The following NRCAM variants were observed in gnomAD, a reference collection of about 807,000 sequenced individuals.
NRCAM encodes the protein neuronal cell adhesion molecule.
A neutral mutation model predicts 156.5 loss-of-function variants in NRCAM; 83 were observed. That is an observed-to-expected ratio of 0.53 (90% CI 0.44 to 0.64). The LOEUF is 0.64. NRCAM is among the 30% of genes least tolerant of loss of function. The pLI, the probability that NRCAM is intolerant of heterozygous loss-of-function variation, is 0.00. For missense variants in NRCAM, 1,417 were observed against 1,597.3 expected, an observed-to-expected ratio of 0.89 and a Z score of 1.92; for synonymous variants, 538 against 563.9, an observed-to-expected ratio of 0.95 and a Z score of 0.65.
chr7:108,192,221 G>C (rs768741166), intron 17 of NRCAM, among the ~76,000 whole-genome samples: 2 of 151,898 alleles, frequency 1.3e-5, no homozygotes, highest in African/African-American at 4.8e-5. Flanking sequence ...GGAATGGGGC[G>C]AGTGAAGCTG....
intron 17 of NRCAM, 63 bp downstream of exon 17, chr7:108,193,961 C>T (rs1341810695): frequency 3.3e-6 from 5 of 1,527,126 alleles, no homozygotes; most frequent in Middle Eastern, 3.4e-4. Context: ...CATAGTAGAC[C>T]TTTAGTTCAA....
At chr7:108,152,143 G>T (rs1201264589) in intron 32 of NRCAM, among the ~76,000 whole-genome samples, 1 of 152,158 alleles carries the variant, frequency 6.6e-6, no homozygotes, top group Non-Finnish European at 1.5e-5. Context: ...TATATATTAT[G>T]TCAGAAGAGG....
intron 1 of NRCAM, among the ~76,000 whole-genome samples, chr7:108,425,793 T>C (rs1816503067): frequency 6.6e-6 from 1 of 152,208 alleles, no homozygotes; most frequent in Admixed American, 6.5e-5. Context: ...GTTGACACTG[T>C]ACATTGTCTA....
intron 2 of NRCAM, among the ~76,000 whole-genome samples, chr7:108,351,331 A>G (rs2099411096): frequency 6.6e-6 from 1 of 152,184 alleles, no homozygotes; most frequent in African/African-American, 2.4e-5. Context: ...ACCCAGTCTC[A>G]GGTATTCTAT....
intron 3 of NRCAM, among the ~76,000 whole-genome samples, chr7:108,309,141 A>C (rs1002731225): frequency 1.3e-5 from 2 of 152,170 alleles, no homozygotes; most frequent in African/African-American, 2.4e-5. Flanking sequence ...TCTGTGAAAA[A>C]GTTCATCACG....
intron 3 of NRCAM, among the ~76,000 whole-genome samples, chr7:108,251,609 T>G (rs1041378493): frequency 6.6e-6 from 1 of 152,176 alleles, no homozygotes; most frequent in African/African-American, 2.4e-5. Context: ...AATTAGATCC[T>G]TTGAGGCTGC....
chr7:108,228,667 G>C (rs990892622), intron 8 of NRCAM, among the ~76,000 whole-genome samples: 1 of 152,212 alleles, frequency 6.6e-6, no homozygotes, highest in African/African-American at 2.4e-5. Context: ...TATGTATTCA[G>C]ATGACTCTGA....
Position 108,251,939 on chromosome 7 carries a change from TA to T in NRCAM, c.-106-11770del, listed in dbSNP as rs544554367. On this transcript the variant is annotated intron_variant, in intron 3 of 32. Coordinates refer to ENST00000379028, the MANE Select transcript of NRCAM (RefSeq NM_001037132.4). ...GCGTGGGTGACAGTGCAAGACTGTT[TA>T]AAAAAAAATTAAAAACAAACCAGAA... Among the ~76,000 whole-genome samples, 40 of 151,766 alleles carry T rather than the reference TA, an allele frequency of 2.6e-4. No homozygotes were observed. In the East Asian group the frequency reaches 3.7e-3, roughly 14 times the overall value.
intron 1 of NRCAM, among the ~76,000 whole-genome samples, chr7:108,438,990 A>G (rs1835446517): frequency 6.6e-6 from 1 of 152,188 alleles, no homozygotes; most frequent in Non-Finnish European, 1.5e-5. Flanking sequence ...AAATAAATAG[A>G]CATTAAATGT....
At chr7:108,389,042 G>A (rs948658785) in intron 2 of NRCAM, among the ~76,000 whole-genome samples, 2 of 152,138 alleles carry the variant, frequency 1.3e-5, no homozygotes, top group Non-Finnish European at 2.9e-5. Flanking sequence ...GGCAATGTGG[G>A]CTCTTTTTTG....
At chr7:108,312,589 C>A (rs975981708) in intron 3 of NRCAM, 76 bp downstream of exon 3, 2 of 152,156 alleles carry the variant, frequency 1.3e-5, no homozygotes, top group Admixed American at 6.5e-5. Context: ...AATAATATTA[C>A]ATAATCACAT....
chr7:108,255,994 C>T (rs1461130385), intron 3 of NRCAM, among the ~76,000 whole-genome samples: 3 of 70,252 alleles, frequency 4.3e-5, no homozygotes, highest in Admixed American at 1.2e-4. Flanking sequence ...CTGCCCCGTC[C>T]GGGAGGGAGG....
chr7:108,378,632 A>AACAC (rs3077977), intron 2 of NRCAM, among the ~76,000 whole-genome samples: 1,394 of 115,908 alleles, frequency 0.012, 9 homozygotes, highest in Non-Finnish European at 0.018. Flanking sequence ...AGCAGGATTC[A>AACAC]ACACACACAC....
At chr7:108,178,194 C>A (rs376495234) in intron 25 of NRCAM, 82 bp from the exon 26 acceptor site, 62 of 1,452,912 alleles carry the variant, frequency 4.3e-5, no homozygotes, top group Non-Finnish European at 5.5e-5. Flanking sequence ...CGTGCTCGCA[C>A]GATTCAAGGT....
At chr7:108,387,961 A>T (rs1175902481) in intron 2 of NRCAM, among the ~76,000 whole-genome samples, 3 of 152,130 alleles carry the variant, frequency 2.0e-5, no homozygotes, top group African/African-American at 4.8e-5. Context: ...TCGATCATTG[A>T]TGGACATTTG....
chr7:108,441,541 G>A (rs1014318822), intron 1 of NRCAM, among the ~76,000 whole-genome samples: 1 of 152,204 alleles, frequency 6.6e-6, no homozygotes, highest in Non-Finnish European at 1.5e-5. Flanking sequence ...CCATGCAGAA[G>A]CTAAAAGTCC....
intron 2 of NRCAM, among the ~76,000 whole-genome samples, chr7:108,393,415 T>G (rs2099767502): frequency 6.6e-6 from 1 of 152,116 alleles, no homozygotes; most frequent in South Asian, 2.1e-4. Context: ...TGTGTGCCGT[T>G]TGCTAAGACC....
At chr7:108,449,797 G>T (rs913082324) in intron 1 of NRCAM, among the ~76,000 whole-genome samples, 9 of 152,072 alleles carry the variant, frequency 5.9e-5, no homozygotes, top group Admixed American at 3.3e-4. Flanking sequence ...TACTCATACT[G>T]AATTTTTTGA....
chr7:108,319,692 C>A (rs1282414787), intron 2 of NRCAM, among the ~76,000 whole-genome samples: 1 of 152,170 alleles, frequency 6.6e-6, no homozygotes, highest in Non-Finnish European at 1.5e-5. Context: ...CAAGGTCAGA[C>A]TTTTCTAAGG....
Sources: gnomAD v4.1 joint callset for allele counts (sites outside exome capture counted in the v4.1 genomes callset) on GRCh38, gnomAD v4.1.1 for gene constraint, MANE v1.5 for transcripts, NCBI Gene and HGNC (gene_info 2026-07-23, HGNC 2026-07-21) for gene names.